Variants in SMYD3 observed in about 807,000 individuals in gnomAD.
SMYD3 encodes the protein histone-lysine N-methyltransferase SMYD3.
SMYD3 carries 36 observed loss-of-function variants against 57.7 expected under a neutral mutation model. The observed-to-expected ratio is 0.62, with a 90% CI of 0.48 to 0.82. The LOEUF (loss-of-function observed/expected upper bound fraction) is 0.82, where lower values mean the gene tolerates loss of function less well. SMYD3 is among the 40% of genes least tolerant of loss of function. SMYD3 has a pLI of 0.00. For missense variants in SMYD3, 515 were observed against 538.8 expected (o/e 0.96, Z 0.44); for synonymous variants, 211 against 195.0 (o/e 1.08, Z -0.68).
intron 5 of SMYD3, among the ~76,000 whole-genome samples, chr1:246,314,849 C>G (rs2148639431): frequency 6.6e-6 from 1 of 152,322 alleles, no homozygotes; most frequent in African/African-American, 2.4e-5. Context: ...TATTCTGTAA[C>G]TTATTTTTAA....
intron 5 of SMYD3, among the ~76,000 whole-genome samples, chr1:246,025,025 G>A (rs2059550024): frequency 6.6e-6 from 1 of 151,712 alleles, no homozygotes; most frequent in Non-Finnish European, 1.5e-5. Context: ...GATACAGCAA[G>A]TGGACAGCAT....
At chr1:246,327,373 AG>A in intron 4 of SMYD3, 36 bp from the exon 5 acceptor site, 1 of 1,576,220 alleles carries the variant, frequency 6.3e-7, no homozygotes, top group Non-Finnish European at 8.7e-7. Flanking sequence ...ACAATCTCAA[AG>A]TAAACTTCTG....
chr1:246,181,128 T>C (rs2062545021), intron 5 of SMYD3, among the ~76,000 whole-genome samples: 1 of 152,208 alleles, frequency 6.6e-6, no homozygotes, highest in African/African-American at 2.4e-5. Flanking sequence ...CAAGTGCTCT[T>C]GTGAACAGAG....
intron 5 of SMYD3, among the ~76,000 whole-genome samples, chr1:246,036,310 G>T (rs1383856342): frequency 6.6e-6 from 1 of 152,106 alleles, no homozygotes; most frequent in South Asian, 2.1e-4. Context: ...TGGCCCTTAA[G>T]GAGATTTTAA....
chr1:245,864,643 T>A (rs2051731443), intron 8 of SMYD3, among the ~76,000 whole-genome samples: 1 of 151,954 alleles, frequency 6.6e-6, no homozygotes, highest in Non-Finnish European at 1.5e-5. Context: ...TGCTAATGGG[T>A]AGGAGTTTCT....
chr1:246,234,692 T>C (rs1400798435), intron 5 of SMYD3, among the ~76,000 whole-genome samples: 1 of 139,474 alleles, frequency 7.2e-6, no homozygotes, highest in Non-Finnish European at 1.6e-5. Context: ...AATAGAATAT[T>C]GCATTTAACT....
At chr1:246,185,449 CTTTT>C (rs1183038960) in intron 5 of SMYD3, among the ~76,000 whole-genome samples, 3 of 80,046 alleles carry the variant, frequency 3.7e-5, no homozygotes, top group Admixed American at 1.5e-4. Flanking sequence ...GTTAGTGATT[CTTTT>C]TTTTTTTTTT....
rs1239509257 is a variant in SMYD3 at position 246,206,998 on chromosome 1, T to C, written c.531+120203A>G. Among the ~76,000 whole-genome samples the C allele has an allele frequency of 3.9e-5, 6 of 152,252 alleles. No individual in the cohort carries two copies. The East Asian group carries it at 9.6e-4, about 24-fold the overall frequency. On this transcript the variant is annotated intron_variant, in intron 5 of 11. Transcript: ENST00000490107. ...CTCAGAAGCTTCTGAAGGAACACAG[T>C]TGAGTTCCCTAAACATTTCATTAGT...
chr1:246,357,951 A>G (rs1456483038), intron 1 of SMYD3, among the ~76,000 whole-genome samples: 1 of 152,228 alleles, frequency 6.6e-6, no homozygotes, highest in Non-Finnish European at 1.5e-5. Flanking sequence ...TGAATGGAAT[A>G]GTACCTCACA....
chr1:246,500,590 C>T (rs765488712), intron 1 of SMYD3, among the ~76,000 whole-genome samples: 19 of 152,158 alleles, frequency 1.2e-4, no homozygotes, highest in Non-Finnish European at 2.5e-4. Flanking sequence ...TTTGGGGAAT[C>T]AGGACCAGTT....
At chr1:246,497,020 T>A (rs61839829) in intron 1 of SMYD3, among the ~76,000 whole-genome samples, 1 of 152,136 alleles carries the variant, frequency 6.6e-6, no homozygotes. Flanking sequence ...AATAGTAGAA[T>A]GAGATATAAA....
At position 246,180,957 on chromosome 1, in the gene SMYD3, G is replaced by GC. The variant is rs112590167; in HGVS notation, c.531+146243_531+146244insG. Among the ~76,000 whole-genome samples, 245 of 151,908 alleles carry GC rather than the reference G, an allele frequency of 1.6e-3. 1 individual carries two copies. The highest frequency in any genetic ancestry group is 5.5e-3 in the African/African-American group (227 of 41,422). Reference sequence around the variant, plus strand: ...TGCTTTAAAAGCAACAAAATATCAGGGAGGAACATACTCTACTCTAATATG... The same window carrying GC: ...TGCTTTAAAAGCAACAAAATATCAGGCGAGGAACATACTCTACTCTAATATG... On this transcript the variant is annotated intron_variant, in intron 5 of 11. Coordinates refer to ENST00000490107, the MANE Select transcript of SMYD3 (RefSeq NM_001167740.2).
intron 5 of SMYD3, among the ~76,000 whole-genome samples, chr1:245,947,856 T>C (rs1374589497): frequency 6.6e-6 from 1 of 152,152 alleles, no homozygotes; most frequent in Non-Finnish European, 1.5e-5. Flanking sequence ...TGAAATACAG[T>C]ATCACTACAT....
intron 1 of SMYD3, among the ~76,000 whole-genome samples, chr1:246,468,729 A>G (rs10802409): frequency 0.46 from 70,153 of 151,950 alleles, 16,554 homozygotes; most frequent in Middle Eastern, 0.65. Flanking sequence ...GTAATTCAAC[A>G]TTTTGGGAGG....
intron 1 of SMYD3, among the ~76,000 whole-genome samples, chr1:246,383,072 C>A (rs566831249): frequency 9.8e-4 from 149 of 152,234 alleles, no homozygotes; most frequent in Admixed American, 1.7e-3. Flanking sequence ...TCCAGACCCA[C>A]CCCCATGGAC....
At chr1:246,207,566 C>T (rs749592490) in intron 5 of SMYD3, among the ~76,000 whole-genome samples, 3 of 151,940 alleles carry the variant, frequency 2.0e-5, no homozygotes, top group African/African-American at 7.3e-5. Flanking sequence ...AAGGAAAGGG[C>T]CATTATGGTA....
chr1:246,237,646 C>A (rs755386680), intron 5 of SMYD3, among the ~76,000 whole-genome samples: 1 of 152,108 alleles, frequency 6.6e-6, no homozygotes, highest in Non-Finnish European at 1.5e-5. Flanking sequence ...TTTAAAAGTC[C>A]CTGTAAACCT....
chr1:245,963,127 A>G (rs2058052131), intron 5 of SMYD3, among the ~76,000 whole-genome samples: 1 of 152,212 alleles, frequency 6.6e-6, no homozygotes, highest in South Asian at 2.1e-4. Context: ...ACAAGTAAAA[A>G]GCTAAACAAA....
At chr1:245,863,012 C>T (rs1000734601) in intron 9 of SMYD3, among the ~76,000 whole-genome samples, 5 of 152,202 alleles carry the variant, frequency 3.3e-5, no homozygotes, top group Admixed American at 6.5e-5. Context: ...TAAATAGCAT[C>T]GTCAGCAAAT....
Sources: allele counts gnomAD v4.1 joint callset (sites outside exome capture counted in the v4.1 genomes callset), GRCh38; gene constraint gnomAD v4.1.1; transcripts MANE v1.5; gene names NCBI Gene and HGNC (gene_info 2026-07-23, HGNC 2026-07-21).